The following PLEKHG2 variants were observed in gnomAD, a reference collection of about 807,000 sequenced individuals.
PLEKHG2 encodes the protein pleckstrin homology and RhoGEF domain containing G2, also known as pleckstrin homology domain-containing family G member 2.
PLEKHG2 carries 71 observed loss-of-function variants against 104.4 expected under a neutral mutation model. The ratio of observed to expected loss-of-function variants is 0.68; its 90% CI spans 0.56 to 0.83. The LOEUF (loss-of-function observed/expected upper bound fraction) is 0.83, where lower values mean the gene tolerates loss of function less well. PLEKHG2 is among the 40% of genes least tolerant of loss of function. The pLI, the probability that PLEKHG2 is intolerant of heterozygous loss-of-function variation, is 0.00. For synonymous variants in PLEKHG2, 728 were observed against 737.0 expected, an observed-to-expected ratio of 0.99 and a Z score of 0.20; for missense variants, 1,730 against 1,809.4, an observed-to-expected ratio of 0.96 and a Z score of 0.80.
At position 39,420,665 on chromosome 19, in the gene PLEKHG2, T is replaced by C. The variant is rs765901698; in HGVS notation, c.1297+6T>C. The C allele has an allele frequency of 6.2e-7, 1 of 1,614,078 alleles. No individual in the cohort carries two copies. Among genetic ancestry groups the C allele is most frequent in the Non-Finnish European group, 8.5e-7 (1 of 1,179,998 alleles). ...CCTTGAAAACAGCCTGCATTGTGAG[T>C]TGGGGCCTTGGGCTGGGAGGGTGTG... On this transcript the variant is annotated splice_donor_region_variant and intron_variant, in intron 12 of 18. Coordinates refer to ENST00000425673, the MANE Select transcript of PLEKHG2 (RefSeq NM_022835.3).
intron 11 of PLEKHG2, 102 bp downstream of exon 11, chr19:39,419,105 A>G (rs958209325): frequency 3.8e-6 from 4 of 1,063,920 alleles, no homozygotes; most frequent in Non-Finnish European, 5.3e-6. Flanking sequence ...AGTCTGTTAT[A>G]ATGTGATTGC....
At position 39,415,130 on chromosome 19, in the gene PLEKHG2, C is replaced by T; in HGVS notation, c.248C>T (p.Pro83Leu). 2 of 1,599,580 alleles carry T rather than the reference C, an allele frequency of 1.3e-6. No individual in the cohort carries two copies. Among genetic ancestry groups the T allele is most frequent in the Non-Finnish European group, 1.7e-6 (2 of 1,172,794 alleles). Residue 83 changes from proline to leucine, a missense_variant, in exon 3 of 19, where the codon CCT (proline) becomes CTT (leucine). By Grantham distance (98) the Pro-to-Leu change is moderately conservative (BLOSUM62 -3). Coordinates refer to ENST00000425673, the MANE Select transcript of PLEKHG2 (RefSeq NM_022835.3). The surrounding 1 kb of genome is among the most constrained non-coding windows in gnomAD (Gnocchi z 4.6). The stretch of plus-strand genomic sequence containing the variant: ...TCCAGGCCAGAGCCCCTTCCAGGGC[C>T]TCCCATCCGCCTACATCTCTCTCCG... ...SASRPEPLPG[P>L]PIRLHLSPVG...
chr19:39,418,870 C>T (rs368652730), intron 10 of PLEKHG2, 44 bp downstream of exon 10: 33 of 1,595,822 alleles, frequency 2.1e-5, no homozygotes, highest in East Asian at 4.5e-5. Flanking sequence ...CCCCCAGCCT[C>T]GAGACCTCAC....
intron 17 of PLEKHG2, among the ~76,000 whole-genome samples, chr19:39,422,504 A>G (rs977199921): frequency 6.0e-5 from 9 of 150,852 alleles, no homozygotes; most frequent in African/African-American, 2.2e-4. Context: ...CAGCCTCCTG[A>G]GTAGCTGGGA....
Position 39,414,119 on chromosome 19 carries a change from C to T in PLEKHG2, c.33C>T (p.Ser11=), listed in dbSNP as rs1220502122. MPEGAQGLSL[S]KPSPSLGCGR... ...AGGGAGCCCAAGGACTGAGCCTCTC[C>T]AAACCTAGCCCAAGCCTCGGGTGTG... Residue 11 remains serine (S), a synonymous_variant, in exon 2 of 19, where the codon TCC becomes TCT. Transcript: ENST00000425673. 5.2e-6 allele frequency: 8 copies of T among 1,551,450 alleles called. No individual in the cohort carries two copies. The South Asian group carries it at 7.1e-5, about 14-fold the overall frequency.
At position 39,418,084 on chromosome 19, in the gene PLEKHG2, C is replaced by T; in HGVS notation, c.1062C>T (p.Tyr354=). The change falls in exon 9 of 19, where the codon TAC becomes TAT. Residue 354 remains tyrosine, a synonymous_variant. Coordinates refer to ENST00000425673, the MANE Select transcript of PLEKHG2 (RefSeq NM_022835.3). ...LLVAKRRGLE[Y]TYKGHIFCCN... is the part of the protein sequence containing the mutation. ...TGGCCAAGCGCAGGGGGCTGGAGTA[C>T]ACCTACAAAGGCCACATCTTCGTGA... 6.6e-7 allele frequency: 1 copy of T among 1,518,888 alleles called. No individual in the cohort carries two copies. Among genetic ancestry groups the T allele is most frequent in the East Asian group, 2.3e-5 (1 of 43,446 alleles). The allele number at this position is 1,518,888 out of a possible 1,614,324, so 94.1% of individuals were successfully genotyped here.
At chr19:39,419,701 C>G (rs2078666951) in intron 11 of PLEKHG2, among the ~76,000 whole-genome samples, 1 of 152,008 alleles carries the variant, frequency 6.6e-6, no homozygotes, top group East Asian at 1.9e-4. Flanking sequence ...CATGGTGAAA[C>G]CCCATCTCTA....
chr19:39,414,229 G>C, intron 2 of PLEKHG2, 34 bp downstream of exon 2: 3 of 1,541,392 alleles, frequency 1.9e-6, no homozygotes, highest in South Asian at 1.2e-5. Context: ...GGAGCCTGTG[G>C]GGCTTTTATT....
In PLEKHG2 at chr19:39,422,821, G is replaced by C; in HGVS notation, c.1767G>C (p.Arg589=). The C allele has an allele frequency of 6.4e-7, 1 of 1,552,606 alleles. No individual in the cohort carries two copies. The highest frequency in any genetic ancestry group is 1.4e-5 in the African/African-American group (1 of 73,284). The part of the protein sequence containing the change: ...ETLTFQALPS[R]DSSEEEEEEE... ...TCACATTCCAAGCCCTGCCCAGCCGGGACTCTTCAGAAGAGGAGGAGGAGG... is the reference window on the plus strand; with the variant it reads ...TCACATTCCAAGCCCTGCCCAGCCGCGACTCTTCAGAAGAGGAGGAGGAGG... Residue 589 remains arginine, a synonymous_variant, in exon 18 of 19, where the codon CGG becomes CGC. Coordinates refer to ENST00000425673, the MANE Select transcript of PLEKHG2 (RefSeq NM_022835.3).
At chr19:39,417,820 C>G in intron 8 of PLEKHG2, 85 bp from the exon 9 acceptor site, 4 of 1,496,804 alleles carry the variant, frequency 2.7e-6, no homozygotes, top group Non-Finnish European at 3.6e-6. Context: ...GGCCCTGTTG[C>G]TAACCCCCTG....
chr19:39,414,328 T>C, intron 2 of PLEKHG2, 133 bp downstream of exon 2: 8 of 915,092 alleles, frequency 8.7e-6, no homozygotes, highest in Non-Finnish European at 1.2e-5. Flanking sequence ...GGCGGGCCCA[T>C]CCCCAGGCAA....
Position 39,425,402 on chromosome 19 carries a change from G to A in PLEKHG2, c.*108G>A, listed in dbSNP as rs1363291599. On this transcript the variant is annotated 3_prime_UTR_variant, in exon 19 of 19. Coordinates refer to ENST00000425673, the MANE Select transcript of PLEKHG2 (RefSeq NM_022835.3). The stretch of plus-strand genomic sequence containing the variant: ...TGAACGCAGGCCTCAAAACTGCTGC[G>A]GCCTTCCAACTCCTGGTATCTGCAT... The A allele has an allele frequency of 3.4e-6, 5 of 1,458,486 alleles. No homozygotes were observed. The highest frequency in any genetic ancestry group is 4.9e-5 in the East Asian group (2 of 40,404). 90.3% of individuals were successfully genotyped at this position (1,458,486 alleles called of 1,614,324 possible).
In PLEKHG2 at chr19:39,421,078, C is replaced by G; in HGVS notation, c.1451C>G (p.Pro484Arg). The change falls in exon 15 of 19, where the codon CCG becomes CGG. Residue 484 changes from proline to arginine, a missense_variant. By Grantham distance (103) the Pro-to-Arg change is moderately radical (BLOSUM62 -2). Coordinates refer to ENST00000425673, the MANE Select transcript of PLEKHG2 (RefSeq NM_022835.3). ...CATCACTGTGTCCTCCCCGCAGAGC[C>G]GGTGAAGGACCCTTATGTCATGTTC... ...VIRRGRRQSE[P>R]VKDPYVMFPQ... 6.2e-7 allele frequency: 1 copy of G among 1,612,226 alleles called. No homozygotes were observed. Among genetic ancestry groups the G allele is most frequent in the Non-Finnish European group, 8.5e-7 (1 of 1,179,048 alleles).
chr19:39,423,238 C>A lies in PLEKHG2; in HGVS notation c.2184C>A (p.Gly728=), dbSNP rs768502378. The A allele has an allele frequency of 3.7e-6, 6 of 1,613,566 alleles. No homozygotes were observed. In the East Asian group the frequency reaches 1.3e-4, roughly 36 times the overall value. ...PGKLGEPPSG[G]KAGPEEDEEG... ...AACTGGGAGAGCCGCCTTCAGGAGG[C>A]AAGGCAGGGCCAGAGGAGGATGAAG... The change falls in exon 18 of 19, where the codon GGC becomes GGA. Residue 728 remains glycine (G), a synonymous_variant. Coordinates refer to ENST00000425673, the MANE Select transcript of PLEKHG2 (RefSeq NM_022835.3).
intron 11 of PLEKHG2, among the ~76,000 whole-genome samples, chr19:39,419,532 A>G (rs1021538292): frequency 2.0e-4 from 30 of 152,068 alleles, no homozygotes; most frequent in Admixed American, 2.0e-3. Context: ...ACCTGAGGTC[A>G]GGAGTTCAAG....
In PLEKHG2 at chr19:39,416,700, C is replaced by T; in HGVS notation, c.593+103C>T. On this transcript the variant is annotated intron_variant, in intron 6 of 18. Transcript: ENST00000425673. This position sits in a 1 kb window ranked among gnomAD's most constrained non-coding sequence, Gnocchi z 4.5. ...ACCCCCGACCCATCCAGCACCGACCCCTGCCAGGCTGTGACAGTAACTGAC... is the reference window on the plus strand; with the variant it reads ...ACCCCCGACCCATCCAGCACCGACCTCTGCCAGGCTGTGACAGTAACTGAC... 1 of 1,509,120 alleles carries T rather than the reference C, an allele frequency of 6.6e-7. No individual in the cohort carries two copies. The highest frequency in any genetic ancestry group is 9.1e-7 in the Non-Finnish European group (1 of 1,095,776). 93.5% of individuals were successfully genotyped at this position (1,509,120 alleles called of 1,614,324 possible). A position where few individuals can be genotyped will look rare whatever the true frequency, so the allele number is the denominator to read the frequency against.
chr19:39,418,604 C>T (rs1232616603), intron 9 of PLEKHG2, 130 bp from the exon 10 acceptor site: 18 of 667,164 alleles, frequency 2.7e-5, no homozygotes, highest in African/African-American at 5.5e-5. Flanking sequence ...AGAGGAAACC[C>T]ACCATACAGC....
Position 39,424,732 on chromosome 19 carries a change from A to T in PLEKHG2, c.3599A>T (p.Gln1200Leu), listed in dbSNP as rs754604989. The T allele has an allele frequency of 6.2e-7, 1 of 1,614,220 alleles. No homozygotes were observed. Among genetic ancestry groups the T allele is most frequent in the South Asian group, 1.1e-5 (1 of 91,082 alleles). Reference protein sequence around the residue: ...QVQKLTPSLEQKSLIDAHVPA... With the variant: ...QVQKLTPSLELKSLIDAHVPA... The stretch of plus-strand genomic sequence containing the variant: ...CAAAAACTCACACCTTCGTTGGAGC[A>T]GAAGAGCCTCATAGATGCCCATGTT... The change falls in exon 19 of 19, where the codon CAG (glutamine) becomes CTG (leucine). Residue 1200 changes from glutamine (Q) to leucine (L), a missense_variant. By Grantham distance (113) the Gln-to-Leu change is moderately radical. Coordinates refer to ENST00000425673, the MANE Select transcript of PLEKHG2 (RefSeq NM_022835.3).
chr19:39,414,243 T>C lies in PLEKHG2; in HGVS notation c.109+48T>C, dbSNP rs2078565951. Reference sequence around the variant, plus strand: ...CGGAGCCTGTGGGGCTTTTATTCCTTGGCAATGCTGTCAAGGCAGGGTGAT... The same window carrying C: ...CGGAGCCTGTGGGGCTTTTATTCCTCGGCAATGCTGTCAAGGCAGGGTGAT... On this transcript the variant is annotated intron_variant, in intron 2 of 18. Coordinates refer to ENST00000425673, the MANE Select transcript of PLEKHG2 (RefSeq NM_022835.3). 2.6e-6 allele frequency: 4 copies of C among 1,520,604 alleles called. 1 individual carries two copies. Among genetic ancestry groups the C allele is most frequent in the South Asian group, 2.4e-5 (2 of 83,154 alleles). 94.2% of individuals were successfully genotyped at this position (1,520,604 alleles called of 1,614,324 possible).
Sources: gnomAD v4.1 joint callset for allele counts (sites outside exome capture counted in the v4.1 genomes callset) on GRCh38, gnomAD v4.1.1 for gene constraint, Gnocchi (gnomAD v3.1) non-coding constraint, MANE v1.5 for transcripts, NCBI Gene and HGNC (gene_info 2026-07-23, HGNC 2026-07-21) for gene names.